KCTD19: variants seen among roughly 807,000 people sequenced by gnomAD.
KCTD19 encodes potassium channel tetramerization domain containing 19.
Under a neutral mutation model 103.5 loss-of-function variants are expected in KCTD19, and 67 were observed. The ratio of observed to expected loss-of-function variants is 0.65; its 90% CI spans 0.53 to 0.79. KCTD19 has a LOEUF of 0.79. Ranked by LOEUF, KCTD19 falls within the 30% of genes least tolerant of loss-of-function variation. The pLI, the probability that KCTD19 is intolerant of heterozygous loss-of-function variation, is 0.00. For synonymous variants in KCTD19, 439 were observed against 452.2 expected, an observed-to-expected ratio of 0.97 and a Z score of 0.37; for missense variants, 980 against 1,136.1, an observed-to-expected ratio of 0.86 and a Z score of 1.98.
chr16:67,309,575 A>C (rs2036929316), intron 2 of KCTD19, among the ~76,000 whole-genome samples: 1 of 152,264 alleles, frequency 6.6e-6, no homozygotes, highest in African/African-American at 2.4e-5. Flanking sequence ...GCCCATGCTC[A>C]GTGGACTGCA....
At chr16:67,324,969 G>C (rs1335640279) in intron 1 of KCTD19, among the ~76,000 whole-genome samples, 1 of 152,144 alleles carries the variant, frequency 6.6e-6, no homozygotes, top group African/African-American at 2.4e-5. Flanking sequence ...TCAGGCAAAG[G>C]CTGAATGTAA....
intron 6 of KCTD19, among the ~76,000 whole-genome samples, chr16:67,299,044 C>G (rs939323253): frequency 3.9e-5 from 6 of 152,252 alleles, no homozygotes; most frequent in Admixed American, 3.9e-4. Context: ...GGGAGGTACC[C>G]AGCTCCCTGA....
intron 2 of KCTD19, among the ~76,000 whole-genome samples, chr16:67,317,559 C>T (rs935191128): frequency 7.3e-5 from 11 of 151,672 alleles, no homozygotes; most frequent in East Asian, 5.8e-4. Flanking sequence ...ATTTTGAACA[C>T]GGTACAAAGA....
At chr16:67,302,019 C>T in intron 4 of KCTD19, 97 bp from the exon 5 acceptor site, 1 of 1,098,254 alleles carries the variant, frequency 9.1e-7, no homozygotes, top group Non-Finnish European at 1.4e-6. Context: ...GTAACTTATC[C>T]TAGGTTCTCC....
At chr16:67,317,666 TATA>T (rs1452126770) in intron 2 of KCTD19, among the ~76,000 whole-genome samples, 2 of 152,148 alleles carry the variant, frequency 1.3e-5, no homozygotes, top group African/African-American at 2.4e-5. Flanking sequence ...ATATTTTGAG[TATA>T]ATAATATATT....
At chr16:67,294,274 C>T in intron 11 of KCTD19, 103 bp from the exon 12 acceptor site, 2 of 1,223,704 alleles carry the variant, frequency 1.6e-6, no homozygotes, top group Admixed American at 4.3e-5. Context: ...ACTTGCTCTC[C>T]CTGAACAATC....
intron 1 of KCTD19, among the ~76,000 whole-genome samples, chr16:67,324,653 G>A (rs2037110264): frequency 6.6e-6 from 1 of 152,116 alleles, no homozygotes; most frequent in Non-Finnish European, 1.5e-5. Flanking sequence ...ACTTAAGAAA[G>A]GAAAAGCTCC....
rs1378578135 is a variant in KCTD19 at position 67,326,691 on chromosome 16, A to G, written c.3+14T>C. The G allele has an allele frequency of 6.3e-7, 1 of 1,583,610 alleles. No individual in the cohort carries two copies. Among genetic ancestry groups the G allele is most frequent in the Non-Finnish European group, 8.6e-7 (1 of 1,169,398 alleles). On this transcript the variant is annotated intron_variant, in intron 1 of 15. Coordinates refer to ENST00000304372, the MANE Select transcript of KCTD19 (RefSeq NM_001100915.3). ...TTGGTGCTTTTGGCGCCCCCGCCAG[A>G]GCGGGCTCCGTACCATGGTCGCGGC...
Position 67,303,315 on chromosome 16 carries a change from C to T in KCTD19, c.474G>A (p.Leu158=), listed in dbSNP as rs756140553. Residue 158 remains leucine, a synonymous_variant, in exon 4 of 16, where the codon CTG becomes CTA. Coordinates refer to ENST00000304372, the MANE Select transcript of KCTD19 (RefSeq NM_001100915.3). This position sits in a 1 kb window ranked among gnomAD's most constrained non-coding sequence, Gnocchi z 4.3. ...CTAACAGGGGTGTGTCCATGAGCCC[C>T]AGAGGTGCCTTATCATGTAGGCCTG... ...AFTGLHDKAP[L]GLMDTPLLDT... is the part of the protein sequence containing the mutation. The T allele has an allele frequency of 1.2e-6, 2 of 1,612,908 alleles. No homozygotes were observed. Among genetic ancestry groups the T allele is most frequent in the Non-Finnish European group, 8.5e-7 (1 of 1,179,382 alleles).
chr16:67,292,730 G>A (rs1372555753), intron 12 of KCTD19, among the ~76,000 whole-genome samples: 1 of 152,130 alleles, frequency 6.6e-6, no homozygotes, highest in African/African-American at 2.4e-5. Flanking sequence ...TCCCTTAGCT[G>A]GCTACACAAG....
In KCTD19 at chr16:67,303,110, GCCC is replaced by G; in HGVS notation, c.643+33_643+35del. 6 of 947,046 alleles carry G rather than the reference GCCC, an allele frequency of 6.3e-6. No individual in the cohort carries two copies. Among genetic ancestry groups the G allele is most frequent in the Admixed American group, 2.4e-5 (1 of 41,152 alleles). The allele number at this position is 947,046 out of a possible 1,614,324, so 58.7% of individuals were successfully genotyped here. A position where few individuals can be genotyped will look rare whatever the true frequency, so the allele number is the denominator to read the frequency against. On this transcript the variant is annotated intron_variant, in intron 4 of 15. Transcript: ENST00000304372. The surrounding 1 kb of genome is among the most constrained non-coding windows in gnomAD (Gnocchi z 4.3). The stretch of plus-strand genomic sequence containing the variant: ...GGGGAGGGGTGAATGGGCCCTATCA[GCCC>G]GCCCCCCACCCCACCCCGGACAGAG...
Position 67,294,002 on chromosome 16 carries a change from G to A in KCTD19, c.1760C>T (p.Thr587Ile), listed in dbSNP as rs1597392561. The change falls in exon 12 of 16, where the codon ACA becomes ATA. Residue 587 changes from threonine (T) to isoleucine (I), a missense_variant. Transcript: ENST00000304372. ...RNAKRAGNPS[T>I]YSHCRGLCTN... ...ACACAAGCCACGGCAGTGTGAGTATGTGCTAGGGTTGCCAGCCCTCTTGGC... is the reference window on the plus strand; with the variant it reads ...ACACAAGCCACGGCAGTGTGAGTATATGCTAGGGTTGCCAGCCCTCTTGGC... 1 of 1,614,178 alleles carries A rather than the reference G, an allele frequency of 6.2e-7. No homozygotes were observed. The highest frequency in any genetic ancestry group is 8.5e-7 in the Non-Finnish European group (1 of 1,180,022).
chr16:67,302,094 G>A (rs767357157), intron 4 of KCTD19, 172 bp from the exon 5 acceptor site: 26 of 592,044 alleles, frequency 4.4e-5, no homozygotes, highest in Non-Finnish European at 6.2e-5. Flanking sequence ...TTTTCAAGGC[G>A]AAAGACCCCA....
At position 67,301,803 on chromosome 16, in the gene KCTD19, G is replaced by A. The variant is rs774138423; in HGVS notation, c.763C>T (p.Arg255Trp). The stretch of plus-strand genomic sequence containing the variant: ...CCTGGCGACATACCCATGTTCATCC[G>A]GTACCACCTTACGGCTTCAGTGAGT... Reference protein sequence around the residue: ...PALTEAVRWYRMNMGGCSPTT... With the variant: ...PALTEAVRWYWMNMGGCSPTT... Residue 255 changes from arginine to tryptophan, a missense_variant, in exon 5 of 16, where the codon CGG becomes TGG. Transcript: ENST00000304372. 4.1e-5 allele frequency: 66 copies of A among 1,613,984 alleles called. No individual in the cohort carries two copies. Among genetic ancestry groups the A allele is most frequent in the African/African-American group, 5.3e-5 (4 of 75,026 alleles).
In KCTD19 at chr16:67,289,655, C is replaced by T; in HGVS notation, c.2695G>A (p.Gly899Ser). 2 of 1,614,052 alleles carry T rather than the reference C, an allele frequency of 1.2e-6. No homozygotes were observed. The highest frequency in any genetic ancestry group is 1.7e-6 in the Non-Finnish European group (2 of 1,179,954). The change falls in exon 16 of 16, where the codon GGC becomes AGC. Residue 899 changes from glycine to serine, a missense_variant. By Grantham distance (56) the Gly-to-Ser change is moderately conservative. Coordinates refer to ENST00000304372, the MANE Select transcript of KCTD19 (RefSeq NM_001100915.3). ...TGGATGAGCAGGTCCATGCATCGGC[C>T]ATATTTCCTGGCGAAGGGCAGTGTA... Reference protein sequence around the residue: ...ELTLPFARKYGRCMDLLIQRG... With the variant: ...ELTLPFARKYSRCMDLLIQRG...
At chr16:67,292,090 C>T (rs980893769) in intron 12 of KCTD19, among the ~76,000 whole-genome samples, 2 of 152,202 alleles carry the variant, frequency 1.3e-5, no homozygotes, top group Admixed American at 1.3e-4. Context: ...GTCTCGAACT[C>T]CTGACCTTAG....
chr16:67,294,033 G>A lies in KCTD19; in HGVS notation c.1729C>T (p.Arg577Ter), dbSNP rs1331407309. The A allele has an allele frequency of 1.2e-5, 19 of 1,614,140 alleles. No individual in the cohort carries two copies. Among genetic ancestry groups the A allele is most frequent in the African/African-American group, 1.3e-5 (1 of 75,022 alleles). Residue 577 changes from arginine to a stop codon, truncating the protein, a stop_gained, in exon 12 of 16, where the codon CGA becomes TGA. Transcript: ENST00000304372. LOFTEE classifies it high-confidence loss of function. ...GGGTTGCCAGCCCTCTTGGCATTTC[G>A]GCATAGGGACACCTGGATGGGCCGA... ...YTRPIQVSLCRNAKRAGNPST... is the reference protein window; with the variant it reads ...YTRPIQVSLC
intron 9 of KCTD19, 26 bp downstream of exon 9, chr16:67,295,237 T>C: frequency 6.2e-7 from 1 of 1,611,962 alleles, no homozygotes. Context: ...CGTGATTTCA[T>C]CTTACTGCGT....
At chr16:67,311,481 T>C (rs2036948370) in intron 2 of KCTD19, among the ~76,000 whole-genome samples, 1 of 151,998 alleles carries the variant, frequency 6.6e-6, no homozygotes, top group African/African-American at 2.4e-5. Flanking sequence ...TTTTGTAGTT[T>C]TAGTAGAGAT....
Sources: allele counts gnomAD v4.1 joint callset (sites outside exome capture counted in the v4.1 genomes callset), GRCh38; gene constraint gnomAD v4.1.1; non-coding constraint Gnocchi (gnomAD v3.1); transcripts MANE v1.5; gene names NCBI Gene and HGNC (gene_info 2026-07-23, HGNC 2026-07-21).